The following HIVEP1 variants were observed in gnomAD, a reference collection of about 807,000 sequenced individuals.
HIVEP1 encodes the protein HIVEP zinc finger 1.
In HIVEP1, 36 loss-of-function variants were observed where a neutral mutation model predicts 180.0. That is an observed-to-expected ratio of 0.20 (90% confidence interval 0.15 to 0.26). The LOEUF (loss-of-function observed/expected upper bound fraction) is 0.26. HIVEP1 is among the 10% of genes least tolerant of loss of function. The probability of loss-of-function intolerance (pLI) is 1.00; values close to 1 mark genes in which losing one functional copy is unlikely to be tolerated. For missense variants in HIVEP1, 3,143 were observed against 3,268.7 expected (o/e 0.96, Z 0.94); for synonymous variants, 1,239 against 1,239.0 (o/e 1.00, Z 0.00).
chr6:12,177,298 G>T, the HIVEP1 span, among the ~76,000 whole-genome samples: 8 of 151,940 alleles, frequency 5.3e-5, no homozygotes, highest in African/African-American at 2.4e-5. Flanking sequence ...ACCTGCACAG[G>T]TACCCCCAAA....
chr6:12,108,087 AT>A (rs1338806575), intron 3 of HIVEP1, among the ~76,000 whole-genome samples: 19 of 151,354 alleles, frequency 1.3e-4, no homozygotes, highest in African/African-American at 3.9e-4. Flanking sequence ...AAGAGTGCCT[AT>A]TGGTATATTT....
the HIVEP1 span, among the ~76,000 whole-genome samples, chr6:12,184,228 C>G: frequency 6.6e-6 from 1 of 152,198 alleles, no homozygotes; most frequent in Non-Finnish European, 1.5e-5. Flanking sequence ...GATTTTTGAT[C>G]TCTCAAAGCC....
intron 2 of HIVEP1, among the ~76,000 whole-genome samples, chr6:12,086,600 A>G (rs894256665): frequency 6.6e-6 from 1 of 151,922 alleles, no homozygotes; most frequent in Non-Finnish European, 1.5e-5. Flanking sequence ...GGGGAGTGTT[A>G]CCCTTGGTAA....
chr6:12,143,620 T>G (rs575922835), intron 7 of HIVEP1, among the ~76,000 whole-genome samples: 1 of 152,300 alleles, frequency 6.6e-6, no homozygotes, highest in East Asian at 1.9e-4. Context: ...ATGACATGAT[T>G]GTATATTTAG....
intron 3 of HIVEP1, among the ~76,000 whole-genome samples, chr6:12,098,059 C>T (rs1040646544): frequency 6.6e-6 from 1 of 152,124 alleles, no homozygotes; most frequent in East Asian, 1.9e-4. Flanking sequence ...CTTCAAAATG[C>T]TATTGATTGC....
the HIVEP1 span, among the ~76,000 whole-genome samples, chr6:12,183,777 A>G: frequency 6.6e-6 from 1 of 152,210 alleles, no homozygotes; most frequent in Non-Finnish European, 1.5e-5. Flanking sequence ...ATATCGTAAT[A>G]ATTTTGTTAT....
rs963564040 is a variant in HIVEP1 at position 12,063,488 on chromosome 6, G to T, written c.41-25696G>T. On this transcript the variant is annotated intron_variant, in intron 2 of 8. Transcript: ENST00000379388. This position sits in a 1 kb window ranked among gnomAD's most constrained non-coding sequence, Gnocchi z 4.2. ...ACATTGGTGGAAAGTGGGGAGGGAG[G>T]AGCTGGCTCATGTTGGCAGGTGTGG... is the stretch of plus-strand genomic sequence containing the variant. Among the ~76,000 whole-genome samples, 5 of 152,126 alleles carry T rather than the reference G, an allele frequency of 3.3e-5. No individual in the cohort carries two copies. The highest frequency in any genetic ancestry group is 7.3e-5 in the Non-Finnish European group (5 of 68,030).
chr6:12,207,039 A>T, the HIVEP1 span, among the ~76,000 whole-genome samples: 1 of 152,198 alleles, frequency 6.6e-6, no homozygotes, highest in Non-Finnish European at 1.5e-5. Flanking sequence ...AGGAAATTGG[A>T]TCCTATGGAA....
intron 2 of HIVEP1, among the ~76,000 whole-genome samples, chr6:12,022,424 CCTCCCAAAGTG>C (rs1768298753): frequency 1.3e-5 from 2 of 151,628 alleles, no homozygotes; most frequent in Admixed American, 6.6e-5. Context: ...CCCGCCTCGG[CCTCCCAAAGTG>C]CTGGGATTAC....
chr6:12,124,854 C>T lies in HIVEP1; in HGVS notation c.5059C>T (p.Pro1687Ser). 1.2e-6 allele frequency: 2 copies of T among 1,614,160 alleles called. No individual in the cohort carries two copies. The highest frequency in any genetic ancestry group is 1.7e-6 in the Non-Finnish European group (2 of 1,180,010). Residue 1687 changes from proline (P) to serine (S), a missense_variant, in exon 4 of 9, where the codon CCA (proline) becomes TCA (serine). By Grantham distance (74) the Pro-to-Ser change is moderately conservative (BLOSUM62 -1). Coordinates refer to ENST00000379388, the MANE Select transcript of HIVEP1 (RefSeq NM_002114.4). Reference protein sequence around the residue: ...VPISEEQNSVPTLQKGHQNAL... With the variant: ...VPISEEQNSVSTLQKGHQNAL... ...AATCAGTGAAGAACAAAATTCTGTG[C>T]CAACATTACAAAAAGGTCATCAGAA...
Position 12,042,241 on chromosome 6 carries a change from G to A in HIVEP1, c.40+26573G>A, listed in dbSNP as rs541411588. Among the ~76,000 whole-genome samples, 447 of 149,956 alleles carry A rather than the reference G, an allele frequency of 3.0e-3. 4 individuals are homozygous for A. The highest frequency in any genetic ancestry group is 4.8e-3 in the Non-Finnish European group (326 of 67,768). On this transcript the variant is annotated intron_variant, in intron 2 of 8. Transcript: ENST00000379388. ...ACTACAGGCGCCCGCCACCGCGCCT[G>A]GCTAATTTTTTTTGTATTTTCAGTA... is the stretch of plus-strand genomic sequence containing the variant.
At chr6:12,184,045 A>T in the HIVEP1 span, among the ~76,000 whole-genome samples, 2 of 151,090 alleles carry the variant, frequency 1.3e-5, no homozygotes, top group Non-Finnish European at 2.9e-5. Flanking sequence ...AGACAGACAG[A>T]CAGACAGACA....
At chr6:12,184,022 T>TAGACAGACAGACAGACAGAC in the HIVEP1 span, among the ~76,000 whole-genome samples, 32 of 101,980 alleles carry the variant, frequency 3.1e-4, no homozygotes, top group Non-Finnish European at 6.0e-4. Context: ...GATAGATAGA[T>TAGACAGACAGACAGACAGAC]AGACAGACAG....
At chr6:12,009,114 TGGCGGTGGCGGCGGC>T (rs1320213496), upstream of HIVEP1, among the ~76,000 whole-genome samples, 5 of 143,818 alleles carry the variant, frequency 3.5e-5, no homozygotes, top group East Asian at 1.2e-3. Flanking sequence ...GATCTCCGCG[TGGCGGTGGCGGCGGC>T]GGCGGCGGCG....
the HIVEP1 span, among the ~76,000 whole-genome samples, chr6:12,188,955 C>A: frequency 2.0e-5 from 3 of 151,856 alleles, no homozygotes; most frequent in Admixed American, 6.6e-5. Flanking sequence ...GGAAATAAAA[C>A]AGTTTATTAT....
At chr6:12,162,226 A>C (rs1308316860) in intron 8 of HIVEP1, among the ~76,000 whole-genome samples, 1 of 150,528 alleles carries the variant, frequency 6.6e-6, no homozygotes, top group Non-Finnish European at 1.5e-5. Flanking sequence ...TGAAATTAAA[A>C]AAAAAAAAAA....
intron 7 of HIVEP1, 79 bp downstream of exon 7, chr6:12,135,971 A>C: frequency 1.3e-6 from 1 of 776,618 alleles, no homozygotes; most frequent in Non-Finnish European, 2.2e-6. Flanking sequence ...TTCCATTCCC[A>C]CTGATTCTGC....
intron 3 of HIVEP1, among the ~76,000 whole-genome samples, chr6:12,112,602 T>C (rs1341530448): frequency 9.2e-5 from 14 of 152,242 alleles, no homozygotes; most frequent in Non-Finnish European, 2.9e-5. Context: ...ACTGGGACTC[T>C]GGGGGCTTTT....
At chr6:12,100,747 T>A (rs914031124) in intron 3 of HIVEP1, among the ~76,000 whole-genome samples, 3 of 152,174 alleles carry the variant, frequency 2.0e-5, no homozygotes, top group African/African-American at 7.2e-5. Context: ...AGGGTGAGTA[T>A]CCCTAATCTG....
Sources: allele counts gnomAD v4.1 joint callset (sites outside exome capture counted in the v4.1 genomes callset), GRCh38; gene constraint gnomAD v4.1.1; non-coding constraint Gnocchi (gnomAD v3.1); transcripts MANE v1.5; gene names NCBI Gene and HGNC (gene_info 2026-07-23, HGNC 2026-07-21).